The following EXOC6 variants were observed in gnomAD, a reference collection of about 807,000 sequenced individuals.
The protein encoded by EXOC6 is SEC15-like 1.
EXOC6 carries 60 observed loss-of-function variants against 112.5 expected under a neutral mutation model. The ratio of observed to expected loss-of-function variants is 0.53; its 90% CI spans 0.43 to 0.66. EXOC6 has a LOEUF of 0.66. Among genes scored for constraint, EXOC6 ranks in the 30% least tolerant of loss-of-function variants. The pLI, the probability that EXOC6 is intolerant of heterozygous loss-of-function variation, is 0.00. For synonymous variants in EXOC6, 295 were observed against 308.0 expected, an observed-to-expected ratio of 0.96 and a Z score of 0.44; for missense variants, 855 against 957.1, an observed-to-expected ratio of 0.89 and a Z score of 1.41.
chr10:93,023,921 A>G (rs1386496551), intron 20 of EXOC6, among the ~76,000 whole-genome samples: 2 of 152,090 alleles, frequency 1.3e-5, no homozygotes, highest in Non-Finnish European at 2.9e-5. Flanking sequence ...GGTGTCACAT[A>G]TAACTGAATT....
intron 19 of EXOC6, 23 bp from the exon 20 acceptor site, chr10:93,014,170 CT>C (rs147232343): frequency 3.3e-5 from 51 of 1,556,780 alleles, no homozygotes; most frequent in South Asian, 5.8e-5. Context: ...CATTTTTATT[CT>C]TTTTTTTTCT....
chr10:92,964,525 G>T (rs1386423817), intron 17 of EXOC6, among the ~76,000 whole-genome samples: 1 of 152,042 alleles, frequency 6.6e-6, no homozygotes, highest in Non-Finnish European at 1.5e-5. Context: ...TTTATCTATT[G>T]CCTACATATT....
At chr10:92,900,116 T>C (rs1850075979) in intron 5 of EXOC6, 2 of 152,770 alleles carry the variant, frequency 1.3e-5, no homozygotes, top group Admixed American at 6.5e-5. Flanking sequence ...GATATAGTGA[T>C]GTTTAAAATA....
At chr10:92,953,257 T>C (rs1437981127) in intron 15 of EXOC6, among the ~76,000 whole-genome samples, 1 of 152,036 alleles carries the variant, frequency 6.6e-6, no homozygotes, top group African/African-American at 2.4e-5. Flanking sequence ...TTTTGTATTT[T>C]TAGTGGAGAT....
upstream of EXOC6, chr10:92,848,433 G>C (rs1274837384): frequency 3.5e-6 from 3 of 855,798 alleles, no homozygotes; most frequent in Non-Finnish European, 4.3e-6. Context: ...CGGCCCGAGC[G>C]CCCCGCCCCC....
At chr10:92,945,755 G>A (rs1459755619) in intron 13 of EXOC6, among the ~76,000 whole-genome samples, 1 of 152,044 alleles carries the variant, frequency 6.6e-6, no homozygotes, top group African/African-American at 2.4e-5. Context: ...ATTTCGCTGT[G>A]TTGCCCAGGC....
At chr10:92,870,291 C>G (rs1271752306) in intron 1 of EXOC6, among the ~76,000 whole-genome samples, 1 of 152,042 alleles carries the variant, frequency 6.6e-6, no homozygotes, top group Non-Finnish European at 1.5e-5. Context: ...TATATTTTAT[C>G]ATGTTAAGGA....
chr10:92,975,904 G>T (rs867285590), intron 18 of EXOC6, among the ~76,000 whole-genome samples: 2 of 134,384 alleles, frequency 1.5e-5, no homozygotes, highest in African/African-American at 2.9e-5. Context: ...CAGCCGCCCC[G>T]TCCGGGAGGG....
Position 92,848,639 on chromosome 10 carries a change from A to G in EXOC6, c.101+5A>G. The G allele has an allele frequency of 1.4e-6, 2 of 1,396,938 alleles. No individual in the cohort carries two copies. The highest frequency in any genetic ancestry group is 1.3e-5 in the South Asian group (1 of 74,914). The allele number at this position is 1,396,938 out of a possible 1,614,324, so 86.5% of individuals were successfully genotyped here. ...CTGTGTGGGGCCCACCCTCCGGTAAAGATCTCATCCCACCGGGACTTCGGC... is the reference window on the plus strand; with the variant it reads ...CTGTGTGGGGCCCACCCTCCGGTAAGGATCTCATCCCACCGGGACTTCGGC... On this transcript the variant is annotated splice_donor_5th_base_variant and intron_variant, in intron 1 of 21. Transcript: ENST00000260762.
At chr10:92,946,808 T>C (rs575142342) in intron 13 of EXOC6, among the ~76,000 whole-genome samples, 18 of 152,328 alleles carry the variant, frequency 1.2e-4, no homozygotes, top group African/African-American at 4.3e-4. Context: ...TCTTTAGAAA[T>C]TTTTTTCATC....
chr10:92,903,109 C>G (rs1163151969), intron 5 of EXOC6, among the ~76,000 whole-genome samples: 1 of 151,528 alleles, frequency 6.6e-6, no homozygotes, highest in African/African-American at 2.4e-5. Flanking sequence ...TTTAAGAAAC[C>G]GTTAAATACT....
chr10:93,052,341 A>G (rs559899035), intron 20 of EXOC6, among the ~76,000 whole-genome samples: 27 of 152,342 alleles, frequency 1.8e-4, no homozygotes, highest in African/African-American at 6.3e-4. Flanking sequence ...ACTGTCAGCA[A>G]GCTAAATGGG....
chr10:92,871,112 GT>G (rs1372982533), intron 1 of EXOC6, among the ~76,000 whole-genome samples: 8 of 152,078 alleles, frequency 5.3e-5, no homozygotes, highest in African/African-American at 1.9e-4. Flanking sequence ...TGTTTCTTTT[GT>G]GATAATTGGT....
At chr10:92,925,537 C>T (rs180731120) in intron 8 of EXOC6, among the ~76,000 whole-genome samples, 2 of 152,074 alleles carry the variant, frequency 1.3e-5, no homozygotes, top group Admixed American at 6.6e-5. Context: ...TCAAGTGATC[C>T]GTCCTCCTCG....
intron 13 of EXOC6, among the ~76,000 whole-genome samples, chr10:92,945,145 T>C (rs1411324288): frequency 2.0e-5 from 3 of 152,214 alleles, no homozygotes; most frequent in Admixed American, 1.3e-4. Context: ...CTGATCTGTA[T>C]ACCTGTTGGA....
chr10:92,916,986 C>T (rs529114008), intron 7 of EXOC6, among the ~76,000 whole-genome samples: 9 of 146,988 alleles, frequency 6.1e-5, no homozygotes, highest in Non-Finnish European at 1.2e-4. Flanking sequence ...TTTTTTGAGA[C>T]GGGTTCTCAC....
chr10:92,894,657 A>G (rs1409890483), intron 2 of EXOC6, 137 bp from the exon 3 acceptor site: 3 of 646,364 alleles, frequency 4.6e-6, no homozygotes, highest in African/African-American at 1.9e-5. Context: ...TTCAAGTTCA[A>G]GCTGTAGAGT....
At chr10:92,893,012 A>C (rs1221462807) in intron 1 of EXOC6, among the ~76,000 whole-genome samples, 2 of 152,230 alleles carry the variant, frequency 1.3e-5, no homozygotes, top group African/African-American at 4.8e-5. Context: ...TGTAAAAATC[A>C]TGAGTTTGTT....
chr10:92,973,930 T>C, intron 17 of EXOC6, 123 bp from the exon 18 acceptor site: 1 of 807,860 alleles, frequency 1.2e-6, no homozygotes, highest in South Asian at 1.9e-5. Context: ...ACAGTTTTCC[T>C]GGACTTTGAA....
Sources: gnomAD v4.1 joint callset for allele counts (sites outside exome capture counted in the v4.1 genomes callset) on GRCh38, gnomAD v4.1.1 for gene constraint, MANE v1.5 for transcripts, NCBI Gene and HGNC (gene_info 2026-07-23, HGNC 2026-07-21) for gene names.